MAF: variants seen among roughly 807,000 people sequenced by gnomAD.
MAF encodes the protein transcription factor Maf.
In MAF, 10 loss-of-function variants were observed where a neutral mutation model predicts 22.0. The ratio of observed to expected loss-of-function variants is 0.45; its 90% CI spans 0.28 to 0.77. The LOEUF is 0.77. Ranked by LOEUF, MAF falls within the 30% of genes least tolerant of loss-of-function variation. The pLI is 0.12. For missense variants in MAF, 544 were observed against 548.4 expected, an observed-to-expected ratio of 0.99 and a Z score of 0.08; for synonymous variants, 337 against 255.8, an observed-to-expected ratio of 1.32 and a Z score of -3.03.
At chr16:79,294,048 G>C in the MAF span, among the ~76,000 whole-genome samples, 2 of 152,174 alleles carry the variant, frequency 1.3e-5, no homozygotes, top group African/African-American at 2.4e-5. Context: ...GTGGCCCCCA[G>C]GGTAATTAAG....
At chr16:79,207,050 A>G in the MAF span, among the ~76,000 whole-genome samples, 1 of 151,978 alleles carries the variant, frequency 6.6e-6, no homozygotes, top group Non-Finnish European at 1.5e-5. Flanking sequence ...GTTCTGGGAG[A>G]GTGGTTATAG....
At chr16:79,272,214 G>A in the MAF span, among the ~76,000 whole-genome samples, 5 of 152,228 alleles carry the variant, frequency 3.3e-5, no homozygotes, top group African/African-American at 4.8e-5. Flanking sequence ...AGAGACAGAG[G>A]CGTTGAGCGG....
the MAF span, among the ~76,000 whole-genome samples, chr16:79,459,110 T>A: frequency 1.4e-4 from 22 of 152,302 alleles, no homozygotes; most frequent in Admixed American, 1.0e-3. Context: ...TAGGCACCAT[T>A]CTTCTTTCCA....
the MAF span, among the ~76,000 whole-genome samples, chr16:79,351,048 C>A: frequency 6.6e-6 from 1 of 152,168 alleles, no homozygotes; most frequent in Non-Finnish European, 1.5e-5. Flanking sequence ...CCCGGGGAAG[C>A]CTGATCCTTG....
the MAF span, among the ~76,000 whole-genome samples, chr16:79,443,956 A>G: frequency 1.8e-4 from 27 of 152,184 alleles, no homozygotes; most frequent in Admixed American, 5.9e-4. Context: ...GTTTTGACTG[A>G]GAAAAACCAA....
At chr16:79,327,423 G>T in the MAF span, among the ~76,000 whole-genome samples, 1 of 152,108 alleles carries the variant, frequency 6.6e-6, no homozygotes, top group Non-Finnish European at 1.5e-5. Flanking sequence ...CTCATTGATA[G>T]TCTCTCTTGG....
At chr16:79,590,537 G>A (rs1452249195), downstream of MAF, among the ~76,000 whole-genome samples, 11 of 152,192 alleles carry the variant, frequency 7.2e-5, no homozygotes. Context: ...AGGAAAAGGT[G>A]TCAGAAATTA....
At chr16:79,564,843 C>G in the MAF span, among the ~76,000 whole-genome samples, 3 of 152,150 alleles carry the variant, frequency 2.0e-5, no homozygotes, top group South Asian at 6.2e-4. Context: ...ACAATTGCAG[C>G]CTATTAACTA....
chr16:79,400,186 C>A, the MAF span, among the ~76,000 whole-genome samples: 1 of 152,164 alleles, frequency 6.6e-6, no homozygotes, highest in African/African-American at 2.4e-5. Flanking sequence ...AGGGCAGACC[C>A]CACCACAAAG....
chr16:79,501,368 G>A, the MAF span, among the ~76,000 whole-genome samples: 1 of 152,146 alleles, frequency 6.6e-6, no homozygotes, highest in Non-Finnish European at 1.5e-5. Flanking sequence ...AATTACATCT[G>A]CAACAACTTT....
the MAF span, among the ~76,000 whole-genome samples, chr16:79,232,830 A>G: frequency 0.071 from 10,617 of 148,868 alleles, 545 homozygotes; most frequent in Middle Eastern, 0.14. Flanking sequence ...TGTAAAGATA[A>G]GCCATTCTTT....
the MAF span, among the ~76,000 whole-genome samples, chr16:79,484,493 G>A: frequency 2.6e-5 from 4 of 152,304 alleles, no homozygotes; most frequent in African/African-American, 9.6e-5. Context: ...CCTTACCAGG[G>A]GTCAGCCAGG....
chr16:79,497,896 A>T, the MAF span, among the ~76,000 whole-genome samples: 1 of 152,156 alleles, frequency 6.6e-6, no homozygotes, highest in Non-Finnish European at 1.5e-5. Flanking sequence ...CTATTGACTC[A>T]TGTATTTCAC....
chr16:79,205,069 T>C, the MAF span: 119,872 of 152,144 alleles, frequency 0.79, 48,146 homozygotes, highest in Non-Finnish European at 0.85. Flanking sequence ...GGCTGCACCG[T>C]AAACAGGAAA....
chr16:79,244,635 A>G, the MAF span, among the ~76,000 whole-genome samples: 1 of 152,148 alleles, frequency 6.6e-6, no homozygotes, highest in Non-Finnish European at 1.5e-5. Flanking sequence ...GAAAATGGCC[A>G]TAGTGCCAAA....
chr16:79,377,983 T>C, the MAF span, among the ~76,000 whole-genome samples: 1 of 152,206 alleles, frequency 6.6e-6, no homozygotes, highest in African/African-American at 2.4e-5. Context: ...CTTTGTTCTT[T>C]TGGCTTAGGA....
At chr16:79,267,458 G>T in the MAF span, among the ~76,000 whole-genome samples, 1 of 152,298 alleles carries the variant, frequency 6.6e-6, no homozygotes, top group East Asian at 1.9e-4. Flanking sequence ...GGAGTGAATG[G>T]GCCAGTGAAT....
the MAF span, among the ~76,000 whole-genome samples, chr16:79,253,365 T>C: frequency 1.4e-4 from 22 of 152,326 alleles, no homozygotes; most frequent in Admixed American, 3.9e-4. Flanking sequence ...GCTTTTCTTC[T>C]GCAGCTTTTT....
the MAF span, among the ~76,000 whole-genome samples, chr16:79,535,907 T>G: frequency 1.3e-5 from 2 of 152,186 alleles, no homozygotes; most frequent in Admixed American, 6.5e-5. Flanking sequence ...AAGCAATAGT[T>G]TAGCTATATG....
Sources: allele counts gnomAD v4.1 joint callset (sites outside exome capture counted in the v4.1 genomes callset), GRCh38; gene constraint gnomAD v4.1.1; transcripts MANE v1.5; gene names NCBI Gene and HGNC (gene_info 2026-07-23, HGNC 2026-07-21).